Variants in GRIA2 observed in about 807,000 individuals in gnomAD.
GRIA2 encodes the protein glutamate ionotropic receptor AMPA type subunit 2.
GRIA2 carries 14 observed loss-of-function variants against 97.3 expected under a neutral mutation model. That is an observed-to-expected ratio of 0.14 (90% CI 0.10 to 0.23). The LOEUF (loss-of-function observed/expected upper bound fraction) is 0.23, where lower values mean the gene tolerates loss of function less well. Ranked by LOEUF, GRIA2 falls within the 10% of genes least tolerant of loss-of-function variation. The pLI is 1.00. For missense variants in GRIA2, 558 were observed against 1,069.8 expected (o/e 0.52, Z 6.67); for synonymous variants, 412 against 387.8 (o/e 1.06, Z -0.73).
At chr4:157,331,148 G>A (rs562281313) in intron 6 of GRIA2, among the ~76,000 whole-genome samples, 3 of 151,922 alleles carry the variant, frequency 2.0e-5, no homozygotes, top group Admixed American at 1.3e-4. Flanking sequence ...ATGGTAATAG[G>A]CTTAAGACTT....
chr4:157,266,521 G>C (rs1731776794), intron 2 of GRIA2, among the ~76,000 whole-genome samples: 1 of 152,050 alleles, frequency 6.6e-6, no homozygotes, highest in African/African-American at 2.4e-5. Flanking sequence ...GCTGCTGAGA[G>C]GTCAGTTTGT....
chr4:157,286,407 A>G (rs570540569), intron 2 of GRIA2, among the ~76,000 whole-genome samples: 16 of 151,612 alleles, frequency 1.1e-4, no homozygotes, highest in South Asian at 4.2e-4. Context: ...TTAGTTCCCA[A>G]ACTAGTAACA....
intron 2 of GRIA2, among the ~76,000 whole-genome samples, chr4:157,249,025 C>T (rs1730906627): frequency 6.6e-6 from 1 of 151,710 alleles, no homozygotes; most frequent in South Asian, 2.1e-4. Flanking sequence ...GTTTTGTAAA[C>T]ATGAAGTCTA....
At chr4:157,322,793 G>A (rs1734634044) in intron 6 of GRIA2, among the ~76,000 whole-genome samples, 1 of 152,136 alleles carries the variant, frequency 6.6e-6, no homozygotes, top group East Asian at 1.9e-4. Context: ...TGTTATTTCA[G>A]TTGCTCTCAC....
At chr4:157,243,400 G>C (rs1730589798) in intron 2 of GRIA2, among the ~76,000 whole-genome samples, 1 of 152,108 alleles carries the variant, frequency 6.6e-6, no homozygotes, top group South Asian at 2.1e-4. Flanking sequence ...GCTTGGATTT[G>C]AAAGGATTTG....
chr4:157,353,178 C>A (rs1736092206), intron 12 of GRIA2, among the ~76,000 whole-genome samples: 2 of 151,232 alleles, frequency 1.3e-5, no homozygotes. Context: ...CAAGGAGAAA[C>A]CCTGTCTCTA....
intron 2 of GRIA2, among the ~76,000 whole-genome samples, 180 bp downstream of exon 2, chr4:157,221,987 A>AC: frequency 6.6e-6 from 1 of 151,078 alleles, no homozygotes; most frequent in African/African-American, 2.4e-5. Flanking sequence ...AATCTCAGGG[A>AC]CCCCCGCTGG....
chr4:157,230,575 CTTCT>C (rs1561001388), intron 2 of GRIA2, among the ~76,000 whole-genome samples: 1 of 22,924 alleles, frequency 4.4e-5, no homozygotes, highest in Non-Finnish European at 1.2e-4. Context: ...TCCTTCCTTC[CTTCT>C]TTCCTTCCTT....
At chr4:157,290,799 A>T (rs1290893093) in intron 2 of GRIA2, among the ~76,000 whole-genome samples, 1 of 151,718 alleles carries the variant, frequency 6.6e-6, no homozygotes, top group African/African-American at 2.4e-5. Flanking sequence ...TCATCTCTTA[A>T]GGACTTGGCA....
intron 2 of GRIA2, among the ~76,000 whole-genome samples, chr4:157,264,116 G>A (rs1273239416): frequency 1.3e-5 from 2 of 152,058 alleles, no homozygotes; most frequent in African/African-American, 4.8e-5. Flanking sequence ...CTTTGAAACT[G>A]CATGCAGGTT....
At chr4:157,267,622 G>A (rs1029010706) in intron 2 of GRIA2, among the ~76,000 whole-genome samples, 21 of 151,922 alleles carry the variant, frequency 1.4e-4, no homozygotes, top group African/African-American at 4.1e-4. Flanking sequence ...TATGTGAGTG[G>A]TTAGTTTATT....
chr4:157,277,722 TACA>T (rs1732388402), intron 2 of GRIA2, among the ~76,000 whole-genome samples: 1 of 150,904 alleles, frequency 6.6e-6, no homozygotes, highest in East Asian at 2.0e-4. Flanking sequence ...TGCTTTTCTA[TACA>T]ACAACATTGA....
rs1487469171 is a variant in GRIA2, at chr4:157,356,001, ATATATGTATT to A, written c.2044-3889_2044-3880del. Among the ~76,000 whole-genome samples, 363 of 104,050 alleles carry A rather than the reference ATATATGTATT, an allele frequency of 3.5e-3. 8 individuals are homozygous for A. The highest frequency in any genetic ancestry group is 0.014 in the African/African-American group (348 of 25,632). 68.3% of individuals were successfully genotyped at this position (104,050 alleles called of 152,430 possible). ...TATATTTATATATTTATATATATTT[ATATATGTATT>A]TATATATATTTATATATTTATATTT... On this transcript the variant is annotated intron_variant, in intron 12 of 15. Transcript: ENST00000264426.
chr4:157,311,479 A>G (rs1734077142), intron 3 of GRIA2, among the ~76,000 whole-genome samples: 1 of 151,974 alleles, frequency 6.6e-6, no homozygotes, highest in Admixed American at 6.6e-5. Flanking sequence ...TTTGGCCAAT[A>G]TTGAATCCAT....
intron 12 of GRIA2, among the ~76,000 whole-genome samples, chr4:157,352,781 G>A (rs543153598): frequency 6.6e-6 from 1 of 151,154 alleles, no homozygotes; most frequent in South Asian, 2.1e-4. Flanking sequence ...GGCCCGGCAT[G>A]GTGGTGCACA....
intron 11 of GRIA2, among the ~76,000 whole-genome samples, chr4:157,340,264 A>G (rs1187910401): frequency 6.6e-6 from 1 of 151,966 alleles, no homozygotes; most frequent in Non-Finnish European, 1.5e-5. Context: ...TAATTGTTAG[A>G]CATAGTAGAG....
At chr4:157,339,822 T>C (rs544711806) in intron 11 of GRIA2, among the ~76,000 whole-genome samples, 1 of 152,000 alleles carries the variant, frequency 6.6e-6, no homozygotes, top group South Asian at 2.1e-4. Flanking sequence ...ATAGTGAACA[T>C]TTTGAGAGTG....
chr4:157,307,111 A>G (rs1208816272), intron 3 of GRIA2, among the ~76,000 whole-genome samples: 1 of 152,182 alleles, frequency 6.6e-6, no homozygotes, highest in East Asian at 1.9e-4. Context: ...TTGGTTAATT[A>G]TAATGTCTAA....
At chr4:157,230,399 C>T (rs958267377) in intron 2 of GRIA2, among the ~76,000 whole-genome samples, 5 of 151,948 alleles carry the variant, frequency 3.3e-5, no homozygotes, top group African/African-American at 1.2e-4. Flanking sequence ...AAAGTGATGG[C>T]GGGAAAGCTG....
Sources: gnomAD v4.1 joint callset for allele counts (sites outside exome capture counted in the v4.1 genomes callset) on GRCh38, gnomAD v4.1.1 for gene constraint, MANE v1.5 for transcripts, NCBI Gene and HGNC (gene_info 2026-07-23, HGNC 2026-07-21) for gene names.